The following TMEM131L variants were observed in gnomAD, a reference collection of about 807,000 sequenced individuals.
TMEM131L encodes transmembrane 131 like.
In TMEM131L, 54 loss-of-function variants were observed where a neutral mutation model predicts 192.2. That is an observed-to-expected ratio of 0.28 (90% CI 0.23 to 0.35). The LOEUF is 0.35. Ranked by LOEUF, TMEM131L falls within the 10% of genes least tolerant of loss-of-function variation. The pLI is 1.00. For missense variants in TMEM131L, 1,888 were observed against 1,972.9 expected, an observed-to-expected ratio of 0.96 and a Z score of 0.82; for synonymous variants, 701 against 704.9, an observed-to-expected ratio of 0.99 and a Z score of 0.09.
At chr4:153,556,889 CA>C (rs1169070790) in intron 5 of TMEM131L, 76 bp from the exon 6 acceptor site, 1 of 726,778 alleles carries the variant, frequency 1.4e-6, no homozygotes, top group Non-Finnish European at 2.4e-6. Context: ...CAGAAATTGT[CA>C]AAAAAAGAAA....
At chr4:153,523,885 G>A (rs990023949) in intron 3 of TMEM131L, among the ~76,000 whole-genome samples, 1 of 152,176 alleles carries the variant, frequency 6.6e-6, no homozygotes, top group Non-Finnish European at 1.5e-5. Flanking sequence ...TGATACCCAA[G>A]GTTTTACCTA....
intron 3 of TMEM131L, among the ~76,000 whole-genome samples, chr4:153,537,092 G>A (rs574418294): frequency 2.9e-4 from 44 of 152,198 alleles, no homozygotes; most frequent in African/African-American, 9.9e-4. Flanking sequence ...ACACCCTCAC[G>A]GACACACCCA....
intron 3 of TMEM131L, among the ~76,000 whole-genome samples, chr4:153,533,113 A>G (rs1188652442): frequency 1.3e-5 from 2 of 151,832 alleles, no homozygotes; most frequent in East Asian, 1.9e-4. Context: ...CAGCTTCCCA[A>G]GTAGCTGGGA....
intron 3 of TMEM131L, among the ~76,000 whole-genome samples, chr4:153,531,624 C>G (rs1253251246): frequency 6.6e-6 from 1 of 152,114 alleles, no homozygotes; most frequent in Admixed American, 6.5e-5. Flanking sequence ...ATAAACGTGG[C>G]ATTTTACAGT....
intron 3 of TMEM131L, among the ~76,000 whole-genome samples, chr4:153,547,683 G>A (rs1737288076): frequency 6.6e-6 from 1 of 152,220 alleles, no homozygotes; most frequent in Non-Finnish European, 1.5e-5. Flanking sequence ...ATGGCCATAG[G>A]CCTCGAGTGC....
At chr4:153,581,591 A>G (rs1331355015) in intron 9 of TMEM131L, 31 bp downstream of exon 9, 3 of 1,436,356 alleles carry the variant, frequency 2.1e-6, no homozygotes, top group South Asian at 1.4e-5. Context: ...ATTTTATTAT[A>G]TTTTCATCAG....
chr4:153,491,519 A>T (rs1221952236), intron 3 of TMEM131L, among the ~76,000 whole-genome samples: 3 of 151,916 alleles, frequency 2.0e-5, no homozygotes, highest in Non-Finnish European at 4.4e-5. Flanking sequence ...GTAAGACTTA[A>T]CTTTTAGTCA....
At chr4:153,576,338 G>C (rs1043320594) in intron 7 of TMEM131L, among the ~76,000 whole-genome samples, 17 of 152,306 alleles carry the variant, frequency 1.1e-4, no homozygotes, top group African/African-American at 2.6e-4. Context: ...CTGAAGGGCA[G>C]TTTGGAGGTG....
chr4:153,600,761 C>A (rs1731782622), intron 21 of TMEM131L, among the ~76,000 whole-genome samples: 1 of 152,172 alleles, frequency 6.6e-6, no homozygotes, highest in African/African-American at 2.4e-5. Context: ...AATGGCTGAG[C>A]AGATTTTTGT....
chr4:153,588,511 G>A (rs1730852643), intron 15 of TMEM131L, among the ~76,000 whole-genome samples: 1 of 150,450 alleles, frequency 6.6e-6, no homozygotes, highest in African/African-American at 2.5e-5. Context: ...TTTTCCCTCG[G>A]CACTCTAGAT....
chr4:153,466,648 G>C (rs1032378182), intron 1 of TMEM131L, 127 bp downstream of exon 1: 3 of 952,598 alleles, frequency 3.1e-6, no homozygotes, highest in Admixed American at 4.4e-5. Context: ...AGGAAGGAAA[G>C]CTGTTGCGAT....
At position 153,627,629 on chromosome 4, in the gene TMEM131L, C is replaced by T. The variant is rs368336070; in HGVS notation, c.4149C>T (p.Tyr1383=). Residue 1383 remains tyrosine, a synonymous_variant, in exon 31 of 35, where the codon TAC becomes TAT. Transcript: ENST00000409959. ...NPMTVNSLPQ[Y]AEPSCPSLPA... is the part of the protein sequence containing the mutation. The stretch of plus-strand genomic sequence containing the variant: ...GGACCGTGAATAGTCTCCCACAATA[C>T]GCAGAGCCTTCCTGTCCCAGCCTTC... The T allele has an allele frequency of 2.2e-5, 36 of 1,613,958 alleles. No homozygotes were observed. Among genetic ancestry groups the T allele is most frequent in the East Asian group, 6.7e-5 (3 of 44,880 alleles).
At chr4:153,570,977 C>G (rs988098717) in intron 7 of TMEM131L, among the ~76,000 whole-genome samples, 8 of 152,110 alleles carry the variant, frequency 5.3e-5, no homozygotes, top group Admixed American at 5.2e-4. Flanking sequence ...TCAATTTAAC[C>G]AGCTTTTTGT....
intron 3 of TMEM131L, among the ~76,000 whole-genome samples, chr4:153,521,064 C>T (rs889987372): frequency 1.8e-4 from 27 of 152,160 alleles, no homozygotes; most frequent in African/African-American, 6.5e-4. Context: ...TAGGGAGTAT[C>T]CACTGGGGAG....
At chr4:153,494,265 TAAGG>T (rs1733002549) in intron 3 of TMEM131L, among the ~76,000 whole-genome samples, 1 of 152,218 alleles carries the variant, frequency 6.6e-6, no homozygotes, top group Non-Finnish European at 1.5e-5. Flanking sequence ...AAGAATTTCT[TAAGG>T]AAGTAGGATA....
chr4:153,470,663 G>A (rs1731087050), intron 2 of TMEM131L, among the ~76,000 whole-genome samples: 1 of 152,232 alleles, frequency 6.6e-6, no homozygotes, highest in African/African-American at 2.4e-5. Context: ...TTTTCAAGAA[G>A]TAATTGGGTG....
intron 12 of TMEM131L, 115 bp from the exon 13 acceptor site, chr4:153,585,343 A>C (rs1202958839): frequency 9.6e-7 from 1 of 1,040,016 alleles, no homozygotes; most frequent in Non-Finnish European, 1.4e-6. Flanking sequence ...CTCTGGCGCT[A>C]GCTTTCATTT....
chr4:153,494,588 T>C (rs1733027135), intron 3 of TMEM131L, among the ~76,000 whole-genome samples: 1 of 152,216 alleles, frequency 6.6e-6, no homozygotes, highest in Admixed American at 6.5e-5. Context: ...CATAACTATC[T>C]TTAATATCTG....
chr4:153,609,422 T>C (rs541878661), intron 25 of TMEM131L, among the ~76,000 whole-genome samples: 1 of 152,228 alleles, frequency 6.6e-6, no homozygotes, highest in East Asian at 1.9e-4. Flanking sequence ...CCTCCAACAT[T>C]GAGGATTACA....
Sources: allele counts gnomAD v4.1 joint callset (sites outside exome capture counted in the v4.1 genomes callset), GRCh38; gene constraint gnomAD v4.1.1; transcripts MANE v1.5; gene names NCBI Gene and HGNC (gene_info 2026-07-23, HGNC 2026-07-21).